GABRB1: variants seen among roughly 807,000 people sequenced by gnomAD.
GABRB1 encodes the protein gamma-aminobutyric acid type A receptor subunit beta1.
In GABRB1, 17 loss-of-function variants were observed where a neutral mutation model predicts 51.6. The observed-to-expected ratio is 0.33, with a 90% CI of 0.23 to 0.49. The LOEUF (loss-of-function observed/expected upper bound fraction) is 0.49, where lower values mean the gene tolerates loss of function less well. GABRB1 is among the 20% of genes least tolerant of loss of function. The pLI, the probability that GABRB1 is intolerant of heterozygous loss-of-function variation, is 0.99. For missense variants in GABRB1, 410 were observed against 600.6 expected, an observed-to-expected ratio of 0.68 and a Z score of 3.32; for synonymous variants, 247 against 218.9, an observed-to-expected ratio of 1.13 and a Z score of -1.14.
chr4:47,074,230 G>A (rs1727459089), intron 3 of GABRB1, among the ~76,000 whole-genome samples: 1 of 152,062 alleles, frequency 6.6e-6, no homozygotes, highest in Non-Finnish European at 1.5e-5. Context: ...AAAAATGCCT[G>A]TACAAAAAGG....
intron 4 of GABRB1, among the ~76,000 whole-genome samples, chr4:47,184,665 C>T (rs1719096448): frequency 6.6e-6 from 1 of 151,860 alleles, no homozygotes; most frequent in Non-Finnish European, 1.5e-5. Context: ...GATCAAGAGT[C>T]AGAGAAAAAT....
At chr4:47,116,534 A>T (rs1715487437) in intron 3 of GABRB1, among the ~76,000 whole-genome samples, 1 of 152,218 alleles carries the variant, frequency 6.6e-6, no homozygotes, top group African/African-American at 2.4e-5. Context: ...TGTCAGCAGC[A>T]TTGTCACTGC....
chr4:47,388,986 A>T (rs1171006312), intron 5 of GABRB1, among the ~76,000 whole-genome samples: 1 of 152,216 alleles, frequency 6.6e-6, no homozygotes, highest in East Asian at 1.9e-4. Flanking sequence ...TTTTCTAATG[A>T]TTATTATCAG....
chr4:47,123,920 G>GAT (rs1715990809), intron 3 of GABRB1, among the ~76,000 whole-genome samples: 1 of 74,610 alleles, frequency 1.3e-5, no homozygotes, highest in Non-Finnish European at 2.6e-5. Context: ...ATTAATATAT[G>GAT]ATATATAATA....
At chr4:47,049,219 T>C (rs1370795163) in intron 3 of GABRB1, among the ~76,000 whole-genome samples, 1 of 152,184 alleles carries the variant, frequency 6.6e-6, no homozygotes, top group Non-Finnish European at 1.5e-5. Flanking sequence ...TTTGTTTGTT[T>C]GAGTTCAAGA....
intron 4 of GABRB1, among the ~76,000 whole-genome samples, chr4:47,278,078 G>A (rs1274659032): frequency 6.6e-6 from 1 of 152,058 alleles, no homozygotes; most frequent in Non-Finnish European, 1.5e-5. Context: ...TATTTGGAGA[G>A]ACAAACTTTT....
chr4:47,376,906 T>G (rs1323408024), intron 5 of GABRB1, among the ~76,000 whole-genome samples: 1 of 152,212 alleles, frequency 6.6e-6, no homozygotes, highest in Non-Finnish European at 1.5e-5. Context: ...AATCTTGAGA[T>G]TTTGCTCTTA....
At chr4:47,391,905 A>G (rs1339149547) in intron 5 of GABRB1, among the ~76,000 whole-genome samples, 1 of 152,224 alleles carries the variant, frequency 6.6e-6, no homozygotes, top group Non-Finnish European at 1.5e-5. Flanking sequence ...TAATATAATG[A>G]GGAATAGAGA....
chr4:47,184,247 C>G (rs987404668), intron 4 of GABRB1, among the ~76,000 whole-genome samples: 12 of 151,908 alleles, frequency 7.9e-5, no homozygotes, highest in African/African-American at 2.4e-4. Context: ...CATTAGTTAT[C>G]TCATAACCGT....
rs1160512931 is a variant in GABRB1, at chr4:47,246,277, C to CATATAT, written c.462-73832_462-73827dup. Among the ~76,000 whole-genome samples the CATATAT allele has an allele frequency of 5.3e-3, 388 of 72,686 alleles. 12 individuals carry two copies. Among genetic ancestry groups the CATATAT allele is most frequent in the African/African-American group, 0.011 (207 of 18,870 alleles). The allele number at this position is 72,686 out of a possible 152,430, so 47.7% of individuals were successfully genotyped here. On this transcript the variant is annotated intron_variant, in intron 4 of 8. Coordinates refer to ENST00000295454, the MANE Select transcript of GABRB1 (RefSeq NM_000812.4). ...TTCTCAGGGCTGAGTAGTATTCCAT[C>CATATAT]ATATATATATATATATATATATACA... is the stretch of plus-strand genomic sequence containing the variant.
At chr4:47,008,745 C>T (rs1307949658) in intron 1 of GABRB1, among the ~76,000 whole-genome samples, 1 of 148,054 alleles carries the variant, frequency 6.8e-6, no homozygotes, top group Non-Finnish European at 1.5e-5. Context: ...TCTGAAAGTG[C>T]TGGGATTACA....
chr4:47,175,657 G>A (rs911147692), intron 4 of GABRB1, among the ~76,000 whole-genome samples: 1 of 152,162 alleles, frequency 6.6e-6, no homozygotes, highest in African/African-American at 2.4e-5. Flanking sequence ...CCCATGAGTA[G>A]GGGATTTCCT....
At chr4:47,087,911 C>T (rs1004256492) in intron 3 of GABRB1, among the ~76,000 whole-genome samples, 4 of 152,176 alleles carry the variant, frequency 2.6e-5, no homozygotes, top group Non-Finnish European at 5.9e-5. Flanking sequence ...TACAAAGAAG[C>T]TCATGTTGTT....
chr4:47,310,901 C>A (rs1001682694), intron 4 of GABRB1, among the ~76,000 whole-genome samples: 51 of 151,844 alleles, frequency 3.4e-4, no homozygotes, highest in African/African-American at 1.2e-3. Flanking sequence ...CAGTGGCTCA[C>A]GCCTGTAATC....
At chr4:47,067,784 G>C (rs1407444539) in intron 3 of GABRB1, among the ~76,000 whole-genome samples, 1 of 151,886 alleles carries the variant, frequency 6.6e-6, no homozygotes, top group Non-Finnish European at 1.5e-5. Flanking sequence ...ATGCAGGTTT[G>C]TTACATAGGT....
chr4:47,068,146 C>A (rs1247791069), intron 3 of GABRB1, among the ~76,000 whole-genome samples: 1 of 152,188 alleles, frequency 6.6e-6, no homozygotes, highest in African/African-American at 2.4e-5. Flanking sequence ...TTTTCTTCTG[C>A]AACTTCCTCA....
intron 3 of GABRB1, among the ~76,000 whole-genome samples, chr4:47,148,299 G>A (rs1429435861): frequency 6.6e-6 from 1 of 151,908 alleles, no homozygotes; most frequent in East Asian, 1.9e-4. Context: ...TTCTATTTTG[G>A]GCCAGAGATA....
chr4:47,180,110 G>C (rs952183731), intron 4 of GABRB1, among the ~76,000 whole-genome samples: 9 of 151,926 alleles, frequency 5.9e-5, no homozygotes, highest in African/African-American at 2.2e-4. Context: ...CAGCAGCACA[G>C]GCACTAGTCA....
intron 5 of GABRB1, among the ~76,000 whole-genome samples, chr4:47,328,785 G>A (rs1308103270): frequency 1.3e-5 from 2 of 151,944 alleles, no homozygotes; most frequent in African/African-American, 2.4e-5. Flanking sequence ...GGGGAGCGGG[G>A]AGGGATAGCC....
Sources: allele counts gnomAD v4.1 joint callset (sites outside exome capture counted in the v4.1 genomes callset), GRCh38; gene constraint gnomAD v4.1.1; transcripts MANE v1.5; gene names NCBI Gene and HGNC (gene_info 2026-07-23, HGNC 2026-07-21).